The following TARS2 variants were observed in gnomAD, a reference collection of about 807,000 sequenced individuals.
TARS2 encodes threonyl-tRNA synthetase 2, mitochondrial, also known as threonine--tRNA ligase, mitochondrial.
TARS2 carries 61 observed loss-of-function variants against 94.4 expected under a neutral mutation model. That is an observed-to-expected ratio of 0.65 (90% CI 0.53 to 0.80). The LOEUF is 0.80. TARS2 is among the 30% of genes least tolerant of loss of function. TARS2 has a pLI of 0.00. For synonymous variants in TARS2, 359 were observed against 353.4 expected (o/e 1.02, Z -0.18); for missense variants, 704 against 902.5 (o/e 0.78, Z 2.82).
chr1:150,503,668 T>C (rs144868725), intron 13 of TARS2, among the ~76,000 whole-genome samples: 13,160 of 148,686 alleles, frequency 0.089, 786 homozygotes, highest in Non-Finnish European at 0.12. Context: ...TGTGTGTATA[T>C]ATGTGTGTAT....
intron 7 of TARS2, among the ~76,000 whole-genome samples, chr1:150,494,479 C>T (rs1306011229): frequency 4.0e-5 from 6 of 151,812 alleles, no homozygotes; most frequent in African/African-American, 9.7e-5. Flanking sequence ...GTGGTTCACA[C>T]GTGTAATCCC....
chr1:150,493,262 G>A (rs1420880691), intron 7 of TARS2, among the ~76,000 whole-genome samples: 1 of 152,058 alleles, frequency 6.6e-6, no homozygotes, highest in Non-Finnish European at 1.5e-5. Flanking sequence ...TGGACAGCCT[G>A]CTAGGGCCCA....
At chr1:150,496,976 G>A (rs1294995882) in intron 9 of TARS2, 68 bp downstream of exon 9, 1 of 1,505,808 alleles carries the variant, frequency 6.6e-7, no homozygotes, top group East Asian at 2.3e-5. Flanking sequence ...AAGCTAAGGT[G>A]TTTGTGTTAA....
intron 2 of TARS2, chr1:150,488,350 C>A: frequency 3.5e-6 from 1 of 287,200 alleles, no homozygotes; most frequent in African/African-American, 2.1e-5. Context: ...TTTGTTTTAT[C>A]TGTATTAGTT....
At position 150,504,724 on chromosome 1, in the gene TARS2, G is replaced by C; in HGVS notation, c.1811G>C (p.Gly604Ala). Reference protein sequence around the residue: ...RLLGVLAESCGGKWPLWLSPF... With the variant: ...RLLGVLAESCAGKWPLWLSPF... ...TTGGGAGTGCTGGCAGAAAGCTGCG[G>C]GGGGAAATGGTGAGACCTCTGACCT... Residue 604 changes from glycine (G) to alanine (A), a missense_variant, in exon 15 of 18, where the codon GGG becomes GCG. Gly to Ala is a moderately conservative substitution (Grantham distance 60, BLOSUM62 0). Transcript: ENST00000369064. 6.2e-7 allele frequency: 1 copy of C among 1,614,208 alleles called. No homozygotes were observed. Among genetic ancestry groups the C allele is most frequent in the Non-Finnish European group, 8.5e-7 (1 of 1,180,048 alleles).
At position 150,496,908 on chromosome 1, in the gene TARS2, G is replaced by C. The variant is rs1264114635; in HGVS notation, c.1020G>C (p.Arg340Ser). ...ATAATGCACTAGTGGCGTTTATCAG[G>C]GTAAGGGGACCCAGGTCTAGAGGAA... ...RVYNALVAFI[R>S]AEYAHRGFSE... Residue 340 changes from arginine (R) to serine (S), a missense_variant and splice_region_variant, in exon 9 of 18, where the codon AGG becomes AGC. Coordinates refer to ENST00000369064, the MANE Select transcript of TARS2 (RefSeq NM_025150.5). 1 of 1,613,950 alleles carries C rather than the reference G, an allele frequency of 6.2e-7. No individual in the cohort carries two copies. Among genetic ancestry groups the C allele is most frequent in the East Asian group, 2.2e-5 (1 of 44,872 alleles).
At chr1:150,489,127 C>G (rs1028709047) in intron 3 of TARS2, 40 bp downstream of exon 3, 3 of 1,613,322 alleles carry the variant, frequency 1.9e-6, no homozygotes, top group Non-Finnish European at 2.5e-6. Context: ...GACTACTAAA[C>G]CAAGAGATAT....
chr1:150,499,078 G>C, intron 12 of TARS2, 44 bp downstream of exon 12: 1 of 1,613,802 alleles, frequency 6.2e-7, no homozygotes, highest in Non-Finnish European at 8.5e-7. Context: ...ACCACTCTCT[G>C]GTGGGAAGGA....
At chr1:150,503,712 C>T (rs140535286) in intron 13 of TARS2, among the ~76,000 whole-genome samples, 13,132 of 123,616 alleles carry the variant, frequency 0.11, 790 homozygotes, top group Non-Finnish European at 0.16. Context: ...TATATATACA[C>T]ACACACACAC....
chr1:150,493,045 G>C (rs1424516247), intron 7 of TARS2, among the ~76,000 whole-genome samples: 8 of 151,872 alleles, frequency 5.3e-5, no homozygotes, highest in African/African-American at 1.9e-4. Flanking sequence ...ACCATGCCCA[G>C]CTACTTTTTG....
intron 13 of TARS2, among the ~76,000 whole-genome samples, chr1:150,502,253 T>G (rs1669957646): frequency 6.6e-6 from 1 of 150,788 alleles, no homozygotes; most frequent in African/African-American, 2.4e-5. Flanking sequence ...AGACAGACTC[T>G]TGCTCTGTTG....
At chr1:150,487,825 G>A (rs1277705621) in intron 1 of TARS2, 33 bp from the exon 2 acceptor site, 5 of 1,599,070 alleles carry the variant, frequency 3.1e-6, no homozygotes, top group African/African-American at 1.3e-5. Flanking sequence ...ATGATGGGAC[G>A]TGTGTTACCT....
At chr1:150,501,043 CTCTTCCCATCCCATGGT>C (rs2102499896) in intron 13 of TARS2, among the ~76,000 whole-genome samples, 1 of 152,154 alleles carries the variant, frequency 6.6e-6, no homozygotes, top group African/African-American at 2.4e-5. Flanking sequence ...GAAGTTGAGG[CTCTTCCCATCCCATGGT>C]ATCAATTATC....
chr1:150,501,635 C>T (rs950529130), intron 13 of TARS2, among the ~76,000 whole-genome samples: 1 of 151,268 alleles, frequency 6.6e-6, no homozygotes, highest in African/African-American at 2.4e-5. Context: ...TGCGCCCGAC[C>T]GTCTCTACAA....
intron 17 of TARS2, among the ~76,000 whole-genome samples, chr1:150,506,199 C>T (rs961287403): frequency 1.3e-5 from 2 of 151,982 alleles, no homozygotes; most frequent in Non-Finnish European, 2.9e-5. Flanking sequence ...TTTTGCACAC[C>T]CCACTCTCCC....
intron 10 of TARS2, among the ~76,000 whole-genome samples, 185 bp from the exon 11 acceptor site, chr1:150,498,317 C>T (rs1455736756): frequency 6.6e-6 from 1 of 152,168 alleles, no homozygotes; most frequent in East Asian, 1.9e-4. Flanking sequence ...GAGAAATCCA[C>T]TTTTGAACCT....
chr1:150,506,448 C>A (rs1303422715), intron 17 of TARS2, among the ~76,000 whole-genome samples: 1 of 150,966 alleles, frequency 6.6e-6, no homozygotes, highest in African/African-American at 2.4e-5. Flanking sequence ...CTCCTGCCAC[C>A]TTCCACTTGC....
Position 150,499,207 on chromosome 1 carries a change from C to A in TARS2, c.1540-9C>A, listed in dbSNP as rs142090653. Reference sequence around the variant, plus strand: ...TGATGTATTCCACTCTTGTCTCATTCCTTCAAAGGTCCTTAAACAGGCCCT... The same window carrying A: ...TGATGTATTCCACTCTTGTCTCATTACTTCAAAGGTCCTTAAACAGGCCCT... On this transcript the variant is annotated splice_polypyrimidine_tract_variant and intron_variant, in intron 12 of 17. Coordinates refer to ENST00000369064, the MANE Select transcript of TARS2 (RefSeq NM_025150.5). 5.6e-6 allele frequency: 9 copies of A among 1,614,040 alleles called. No homozygotes were observed. The African/African-American group carries it at 1.1e-4, about 19-fold the overall frequency.
chr1:150,494,219 T>C (rs907409224), intron 7 of TARS2, among the ~76,000 whole-genome samples: 9 of 148,352 alleles, frequency 6.1e-5, no homozygotes, highest in African/African-American at 1.7e-4. Flanking sequence ...ATACACAAAT[T>C]AGCTGGGTGT....
Sources: gnomAD v4.1 joint callset for allele counts (sites outside exome capture counted in the v4.1 genomes callset) on GRCh38, gnomAD v4.1.1 for gene constraint, MANE v1.5 for transcripts, NCBI Gene and HGNC (gene_info 2026-07-23, HGNC 2026-07-21) for gene names.